The following PDE4D variants were observed in gnomAD, a reference collection of about 807,000 sequenced individuals.
The protein encoded by PDE4D is phosphodiesterase 4D.
In PDE4D, 24 loss-of-function variants were observed where a neutral mutation model predicts 87.4. The ratio of observed to expected loss-of-function variants is 0.27; its 90% CI spans 0.20 to 0.39. The LOEUF (loss-of-function observed/expected upper bound fraction) is 0.39. Among genes scored for constraint, PDE4D ranks in the 10% least tolerant of loss-of-function variants. The probability of loss-of-function intolerance (pLI) is 1.00; values close to 1 mark genes in which losing one functional copy is unlikely to be tolerated. For missense variants in PDE4D, 714 were observed against 1,041.0 expected, an observed-to-expected ratio of 0.69 and a Z score of 4.32; for synonymous variants, 384 against 383.2, an observed-to-expected ratio of 1.00 and a Z score of -0.02.
intron 1 of PDE4D, among the ~76,000 whole-genome samples, chr5:59,750,083 C>CTT (rs1251524921): frequency 0.029 from 3,349 of 116,252 alleles, 124 homozygotes; most frequent in African/African-American, 0.095. Flanking sequence ...AGAATTATGA[C>CTT]CTTTTTTTTT....
intron 1 of PDE4D, among the ~76,000 whole-genome samples, chr5:59,450,050 TA>T (rs145136006): frequency 0.018 from 2,809 of 152,338 alleles, 91 homozygotes; most frequent in African/African-American, 0.065. Context: ...ACTTGGGTTA[TA>T]ATGCACCATA....
intron 1 of PDE4D, among the ~76,000 whole-genome samples, chr5:59,401,323 T>C (rs1790574826): frequency 6.6e-6 from 1 of 152,060 alleles, no homozygotes; most frequent in Admixed American, 6.6e-5. Flanking sequence ...TGCACACCTG[T>C]AGACCTGCAC....
At chr5:60,274,606 C>A (rs1001932331) in intron 1 of PDE4D, among the ~76,000 whole-genome samples, 1 of 152,190 alleles carries the variant, frequency 6.6e-6, no homozygotes, top group African/African-American at 2.4e-5. Flanking sequence ...AGTGATCCAC[C>A]CGCCTCAGCC....
At chr5:59,303,134 C>T (rs760120128) in intron 1 of PDE4D, among the ~76,000 whole-genome samples, 36 of 152,170 alleles carry the variant, frequency 2.4e-4, no homozygotes, top group Non-Finnish European at 2.8e-4. Context: ...TTTCCTTGAT[C>T]ATTAGTGATG....
At chr5:59,940,228 C>T (rs946970389) in intron 3 of PDE4D, among the ~76,000 whole-genome samples, 1 of 152,106 alleles carries the variant, frequency 6.6e-6, no homozygotes, top group South Asian at 2.1e-4. Flanking sequence ...ACTCAAGCAC[C>T]ACAGGAGTTT....
At chr5:60,189,347 G>C (rs1277151410) in intron 1 of PDE4D, among the ~76,000 whole-genome samples, 1 of 152,188 alleles carries the variant, frequency 6.6e-6, no homozygotes. Flanking sequence ...AGCAGAAAAT[G>C]TCTTGAACTG....
chr5:59,120,242 C>T (rs1004413991), intron 5 of PDE4D, among the ~76,000 whole-genome samples: 2 of 152,108 alleles, frequency 1.3e-5, no homozygotes, highest in African/African-American at 4.8e-5. Context: ...ATTTCTCCAC[C>T]AGAACACTTT....
At chr5:60,145,006 G>T (rs768212414) in intron 2 of PDE4D, among the ~76,000 whole-genome samples, 5 of 152,158 alleles carry the variant, frequency 3.3e-5, no homozygotes, top group Non-Finnish European at 7.3e-5. Flanking sequence ...ATCTAAAGAG[G>T]TATTTAATTA....
intron 1 of PDE4D, among the ~76,000 whole-genome samples, chr5:60,351,770 C>A (rs1759212566): frequency 7.0e-6 from 1 of 143,760 alleles, no homozygotes; most frequent in African/African-American, 2.5e-5. Flanking sequence ...CATCTTTCTT[C>A]CACCTAATTA....
At chr5:59,803,531 T>G (rs1203321369) in intron 1 of PDE4D, among the ~76,000 whole-genome samples, 1 of 152,070 alleles carries the variant, frequency 6.6e-6, no homozygotes, top group Non-Finnish European at 1.5e-5. Context: ...ATTCCTGACC[T>G]CAAGTGATCC....
At chr5:59,574,115 TATAAATATATA>T in intron 1 of PDE4D, among the ~76,000 whole-genome samples, 1 of 3,786 alleles carries the variant, frequency 2.6e-4, no homozygotes, top group African/African-American at 4.8e-4. Flanking sequence ...TATATATATA[TATAAATATATA>T]TTTATATATA....
intron 1 of PDE4D, among the ~76,000 whole-genome samples, chr5:60,338,535 C>A (rs1395177030): frequency 6.6e-6 from 1 of 152,110 alleles, no homozygotes; most frequent in African/African-American, 2.4e-5. Flanking sequence ...CCAGGGGCTG[C>A]CAGAATGCAC....
intron 1 of PDE4D, among the ~76,000 whole-genome samples, chr5:59,504,277 T>C (rs374494593): frequency 6.6e-5 from 10 of 152,326 alleles, no homozygotes; most frequent in African/African-American, 1.7e-4. Flanking sequence ...TTGAACAAAG[T>C]ATCTGTTATA....
intron 1 of PDE4D, among the ~76,000 whole-genome samples, chr5:60,508,992 C>T (rs1014288524): frequency 3.3e-5 from 5 of 151,926 alleles, no homozygotes; most frequent in South Asian, 2.1e-4. Context: ...CTCCGCCTCT[C>T]GGGTTCAAGC....
At chr5:60,053,731 T>C (rs1268086123) in intron 2 of PDE4D, among the ~76,000 whole-genome samples, 1 of 152,002 alleles carries the variant, frequency 6.6e-6, no homozygotes, top group African/African-American at 2.4e-5. Flanking sequence ...GAAGAAACTA[T>C]CATCAGAGTG....
At chr5:59,312,379 A>G (rs1772862328) in intron 1 of PDE4D, among the ~76,000 whole-genome samples, 1 of 152,110 alleles carries the variant, frequency 6.6e-6, no homozygotes, top group African/African-American at 2.4e-5. Context: ...AATGCCAACT[A>G]CCCTGGAGGG....
chr5:60,510,051 G>A (rs1750502029), intron 1 of PDE4D, among the ~76,000 whole-genome samples: 1 of 152,156 alleles, frequency 6.6e-6, no homozygotes, highest in Non-Finnish European at 1.5e-5. Flanking sequence ...ACTCTGAGGA[G>A]AGATAAGGAG....
intron 1 of PDE4D, among the ~76,000 whole-genome samples, chr5:60,256,804 T>C (rs1230239679): frequency 6.6e-6 from 1 of 151,968 alleles, no homozygotes; most frequent in African/African-American, 2.4e-5. Context: ...TGGGTTTGCT[T>C]CTTGGGAAGA....
chr5:60,093,343 T>A (rs1026828697), intron 2 of PDE4D, among the ~76,000 whole-genome samples: 6 of 152,172 alleles, frequency 3.9e-5, no homozygotes, highest in African/African-American at 9.7e-5. Context: ...TCTTTTTATA[T>A]TCAGGAGGTG....
Sources: gnomAD v4.1 joint callset for allele counts (sites outside exome capture counted in the v4.1 genomes callset) on GRCh38, gnomAD v4.1.1 for gene constraint, MANE v1.5 for transcripts, NCBI Gene and HGNC (gene_info 2026-07-23, HGNC 2026-07-21) for gene names.